SEPTIN9: variants seen among roughly 807,000 people sequenced by gnomAD.
The protein encoded by SEPTIN9 is septin-9.
SEPTIN9 carries 13 observed loss-of-function variants against 56.6 expected under a neutral mutation model. The observed-to-expected ratio is 0.23, with a 90% confidence interval of 0.15 to 0.37. SEPTIN9 has a LOEUF of 0.37. SEPTIN9 is among the 10% of genes least tolerant of loss of function. SEPTIN9 has a pLI of 1.00. For missense variants in SEPTIN9, 650 were observed against 823.1 expected, an observed-to-expected ratio of 0.79 and a Z score of 2.57; for synonymous variants, 332 against 334.1, an observed-to-expected ratio of 0.99 and a Z score of 0.07.
chr17:77,499,369 T>TC lies in SEPTIN9; in HGVS notation c.*716dup. 2 of 573,506 alleles carry TC rather than the reference T, an allele frequency of 3.5e-6. No individual in the cohort carries two copies. The highest frequency in any genetic ancestry group is 2.9e-5 in the South Asian group (2 of 68,488). The allele number at this position is 573,506 out of a possible 1,614,324, so 35.5% of individuals were successfully genotyped here. A position where few individuals can be genotyped will look rare whatever the true frequency, so the allele number is the denominator to read the frequency against. ...GGGAGGCGTCTTCATCTCCCTGCCA[T>TC]CCCCCTCTCACGCCACCCCCGCCCC... On this transcript the variant is annotated 3_prime_UTR_variant, in exon 12 of 12. Coordinates refer to ENST00000427177, the MANE Select transcript of SEPTIN9 (RefSeq NM_001113491.2).
chr17:77,423,960 G>T (rs1232588932), intron 3 of SEPTIN9, among the ~76,000 whole-genome samples: 1 of 25,348 alleles, frequency 3.9e-5, no homozygotes, highest in East Asian at 0.17. Context: ...GGAACACTCT[G>T]CCAGGGCATG....
chr17:77,458,839 C>T (rs2038332669), intron 3 of SEPTIN9, among the ~76,000 whole-genome samples: 1 of 152,214 alleles, frequency 6.6e-6, no homozygotes, highest in African/African-American at 2.4e-5. Flanking sequence ...CTGCAAAGGC[C>T]TTGTGGCGCA....
intron 2 of SEPTIN9, among the ~76,000 whole-genome samples, chr17:77,324,093 C>G (rs2033043897): frequency 6.6e-6 from 1 of 152,212 alleles, no homozygotes; most frequent in Non-Finnish European, 1.5e-5. Context: ...GGCTCGTGGC[C>G]ACACCACTCG....
intron 1 of SEPTIN9, among the ~76,000 whole-genome samples, chr17:77,286,124 G>A (rs992885740): frequency 2.0e-5 from 3 of 152,254 alleles, no homozygotes; most frequent in Admixed American, 6.5e-5. Flanking sequence ...CACCTCGTAC[G>A]GTTAGTCTGT....
Position 77,475,843 on chromosome 17 carries a change from C to T in SEPTIN9, c.722-6301C>T, listed in dbSNP as rs745978209. 59 of 1,613,534 alleles carry T rather than the reference C, an allele frequency of 3.7e-5. No homozygotes were observed. In the Middle Eastern group the frequency reaches 6.6e-4, roughly 18 times the overall value. On this transcript the variant is annotated intron_variant, in intron 3 of 11. Coordinates refer to ENST00000427177, the MANE Select transcript of SEPTIN9 (RefSeq NM_001113491.2). The surrounding 1 kb of genome is among the most constrained non-coding windows in gnomAD (Gnocchi z 4.6). Reference sequence around the variant, plus strand: ...CCTGGTCAGTGGCTTCACAGGCCTCCGTGGGCAGGAGGAGGATGACCTTGC... The same window carrying T: ...CCTGGTCAGTGGCTTCACAGGCCTCTGTGGGCAGGAGGAGGATGACCTTGC...
chr17:77,291,445 C>T (rs2031549984), intron 1 of SEPTIN9, among the ~76,000 whole-genome samples: 1 of 151,702 alleles, frequency 6.6e-6, no homozygotes, highest in Non-Finnish European at 1.5e-5. Flanking sequence ...CCAGCCTGAC[C>T]AACATGGAGA....
At position 77,363,104 on chromosome 17, in the gene SEPTIN9, A is replaced by G. The variant is rs115025731; in HGVS notation, c.77-38955A>G. 5.7e-3 allele frequency among the ~76,000 whole-genome samples: 866 copies of G among 152,316 alleles called. 7 individuals carry two copies. Among genetic ancestry groups the G allele is most frequent in the African/African-American group, 0.02 (817 of 41,564 alleles). ...TGCTGAGCTCCACTCTGTATGCACC[A>G]GGTGACAGAGGCTGCCCAGGACGGT... On this transcript the variant is annotated intron_variant, in intron 2 of 11. Transcript: ENST00000427177.
intron 2 of SEPTIN9, among the ~76,000 whole-genome samples, chr17:77,362,627 A>C: frequency 6.6e-6 from 1 of 152,176 alleles, no homozygotes; most frequent in Non-Finnish European, 1.5e-5. Context: ...ACGAGGCTGA[A>C]GGAGGCTGAC....
At chr17:77,316,002 C>G (rs1396480354) in intron 2 of SEPTIN9, among the ~76,000 whole-genome samples, 2 of 152,228 alleles carry the variant, frequency 1.3e-5, no homozygotes, top group Non-Finnish European at 2.9e-5. Context: ...CCCTGCCTTC[C>G]TGGGACAGCA....
At chr17:77,363,379 CTTTTT>C (rs34313886) in intron 2 of SEPTIN9, among the ~76,000 whole-genome samples, 233 of 66,586 alleles carry the variant, frequency 3.5e-3, no homozygotes, top group Non-Finnish European at 4.9e-3. Context: ...TTGGGCCTGT[CTTTTT>C]TTTTTTTTTT....
chr17:77,401,900 G>A (rs1313378815), intron 2 of SEPTIN9, among the ~76,000 whole-genome samples, 159 bp from the exon 3 acceptor site: 1 of 152,052 alleles, frequency 6.6e-6, no homozygotes, highest in African/African-American at 2.4e-5. Flanking sequence ...CTAGGATGGG[G>A]CTGTCCCTTC....
At position 77,319,912 on chromosome 17, in the gene SEPTIN9, C is replaced by T. The variant is rs1363603785; in HGVS notation, c.76+12715C>T. On this transcript the variant is annotated intron_variant, in intron 2 of 11. Coordinates refer to ENST00000427177, the MANE Select transcript of SEPTIN9 (RefSeq NM_001113491.2). The surrounding 1 kb of genome is among the most constrained non-coding windows in gnomAD (Gnocchi z 5.3). ...GGAGGAGGTGGAGAGAGGAGGCTGCCGGAAGCCGCACTCGGGACCTCTGCA... is the reference window on the plus strand; with the variant it reads ...GGAGGAGGTGGAGAGAGGAGGCTGCTGGAAGCCGCACTCGGGACCTCTGCA... 2.9e-5 allele frequency: 32 copies of T among 1,107,384 alleles called. No homozygotes were observed. Among genetic ancestry groups the T allele is most frequent in the East Asian group, 1.9e-4 (4 of 21,594 alleles). The allele number at this position is 1,107,384 out of a possible 1,614,324, so 68.6% of individuals were successfully genotyped here.
rs894714340 is a variant in SEPTIN9 at position 77,425,105 on chromosome 17, C to A, written c.721+22402C>A. 6.6e-6 allele frequency among the ~76,000 whole-genome samples: 1 copy of A among 152,234 alleles called. No homozygotes were observed. Among genetic ancestry groups the A allele is most frequent in the African/African-American group, 2.4e-5 (1 of 41,454 alleles). ...AAAGTGAGCTCTGCTCCAGTCCCCC[C>A]ACCCCCGGGGCTGTTCCTGGCGCCC... On this transcript the variant is annotated intron_variant, in intron 3 of 11. Transcript: ENST00000427177. This position sits in a 1 kb window ranked among gnomAD's most constrained non-coding sequence, Gnocchi z 4.2.
chr17:77,282,946 C>G (rs192188309), intron 1 of SEPTIN9, among the ~76,000 whole-genome samples: 1 of 152,334 alleles, frequency 6.6e-6, no homozygotes, highest in Non-Finnish European at 1.5e-5. Flanking sequence ...CACTTTACCT[C>G]CCACTGGTGG....
Position 77,445,539 on chromosome 17 carries a change from T to C in SEPTIN9, c.722-36605T>C, listed in dbSNP as rs533125579. The C allele has an allele frequency of 4.5e-4, 176 of 394,076 alleles. 1 individual carries two copies. Among genetic ancestry groups the C allele is most frequent in the Admixed American group, 1.3e-3 (42 of 32,720 alleles). 24.4% of individuals were successfully genotyped at this position (394,076 alleles called of 1,614,324 possible). On this transcript the variant is annotated intron_variant, in intron 3 of 11. Transcript: ENST00000427177. The surrounding 1 kb of genome is among the most constrained non-coding windows in gnomAD (Gnocchi z 4.7). ...GTGTGCACGCACGTGTGTGTGTGTG[T>C]GCGTGCGTGCTGGGTGGGTAGGGAG...
chr17:77,407,692 G>A (rs551117509), intron 3 of SEPTIN9, among the ~76,000 whole-genome samples: 1 of 152,346 alleles, frequency 6.6e-6, no homozygotes, highest in East Asian at 1.9e-4. Flanking sequence ...GCCTGGTGAG[G>A]TCTGAGCTTT....
At chr17:77,355,907 A>G (rs554131659) in intron 2 of SEPTIN9, among the ~76,000 whole-genome samples, 48 of 144,342 alleles carry the variant, frequency 3.3e-4, no homozygotes, top group Non-Finnish European at 6.6e-4. Flanking sequence ...GCGTGAACCC[A>G]GGAGGCGGAG....
intron 3 of SEPTIN9, among the ~76,000 whole-genome samples, chr17:77,444,477 G>A (rs1415999497): frequency 6.6e-6 from 1 of 151,984 alleles, no homozygotes; most frequent in Non-Finnish European, 1.5e-5. Context: ...GGGGGTCGGG[G>A]AGGGGGGTGT....
chr17:77,387,785 G>A (rs550916931), intron 2 of SEPTIN9, among the ~76,000 whole-genome samples: 1 of 152,232 alleles, frequency 6.6e-6, no homozygotes, highest in African/African-American at 2.4e-5. Context: ...GTGTGTGAAC[G>A]GGGCTGGGAG....
Sources: allele counts gnomAD v4.1 joint callset (sites outside exome capture counted in the v4.1 genomes callset), GRCh38; gene constraint gnomAD v4.1.1; non-coding constraint Gnocchi (gnomAD v3.1); transcripts MANE v1.5; gene names NCBI Gene and HGNC (gene_info 2026-07-23, HGNC 2026-07-21).